The following ARHGAP15 variants were observed in gnomAD, a reference collection of about 807,000 sequenced individuals.
ARHGAP15 encodes Rho GTPase activating protein 15.
Under a neutral mutation model 63.7 loss-of-function variants are expected in ARHGAP15, and 51 were observed. That is an observed-to-expected ratio of 0.80 (90% CI 0.64 to 1.01). The LOEUF (loss-of-function observed/expected upper bound fraction) is 1.01, where lower values mean the gene tolerates loss of function less well. Ranked by LOEUF, ARHGAP15 falls within the 50% of genes least tolerant of loss-of-function variation. ARHGAP15 has a pLI of 0.00. For synonymous variants in ARHGAP15, 191 were observed against 193.8 expected, an observed-to-expected ratio of 0.99 and a Z score of 0.12; for missense variants, 560 against 564.6, an observed-to-expected ratio of 0.99 and a Z score of 0.08.
At chr2:143,708,368 T>A (rs1460624929) in intron 13 of ARHGAP15, among the ~76,000 whole-genome samples, 1 of 152,202 alleles carries the variant, frequency 6.6e-6, no homozygotes, top group Non-Finnish European at 1.5e-5. Flanking sequence ...ATAGCAAGAA[T>A]TACCAAGGCA....
At chr2:143,632,869 A>G (rs1001016570) in intron 12 of ARHGAP15, among the ~76,000 whole-genome samples, 1 of 152,130 alleles carries the variant, frequency 6.6e-6, no homozygotes, top group Admixed American at 6.6e-5. Context: ...TTTCTGATGC[A>G]TCATCAACTC....
At chr2:143,671,462 G>T (rs556091731) in intron 12 of ARHGAP15, among the ~76,000 whole-genome samples, 1 of 152,050 alleles carries the variant, frequency 6.6e-6, no homozygotes, top group African/African-American at 2.4e-5. Context: ...AAGGATTATT[G>T]ATTTGACTAA....
At chr2:143,712,395 C>CAGTCAA (rs1684621249) in intron 13 of ARHGAP15, among the ~76,000 whole-genome samples, 1 of 152,084 alleles carries the variant, frequency 6.6e-6, no homozygotes, top group South Asian at 2.1e-4. Context: ...TAGCAAAATC[C>CAGTCAA]AGTCAAGGAT....
intron 12 of ARHGAP15, among the ~76,000 whole-genome samples, chr2:143,691,879 G>C (rs561820322): frequency 6.6e-6 from 1 of 152,216 alleles, no homozygotes; most frequent in Admixed American, 6.5e-5. Context: ...TCGTTCAATA[G>C]GTTTTCTTTT....
chr2:143,609,881 A>G (rs1653979733), intron 11 of ARHGAP15, among the ~76,000 whole-genome samples: 1 of 152,172 alleles, frequency 6.6e-6, no homozygotes, highest in Admixed American at 6.5e-5. Flanking sequence ...TGAGCAATAA[A>G]TGCTCGTGCT....
intron 3 of ARHGAP15, among the ~76,000 whole-genome samples, chr2:143,213,904 G>T (rs1159091933): frequency 6.6e-6 from 1 of 152,178 alleles, no homozygotes; most frequent in Non-Finnish European, 1.5e-5. Context: ...GAGAAATCCA[G>T]CCCTTGGCAT....
At chr2:143,482,686 T>G (rs1692133993) in intron 8 of ARHGAP15, among the ~76,000 whole-genome samples, 1 of 152,232 alleles carries the variant, frequency 6.6e-6, no homozygotes, top group Non-Finnish European at 1.5e-5. Flanking sequence ...GCTGTTAAAA[T>G]CAGATTTGTA....
chr2:143,542,536 T>A (rs1238447302), intron 10 of ARHGAP15, among the ~76,000 whole-genome samples: 2 of 151,116 alleles, frequency 1.3e-5, no homozygotes, highest in African/African-American at 2.4e-5. Context: ...AAAGCAGGAT[T>A]TTTTAATGGC....
chr2:143,263,999 T>C (rs1680872519), intron 6 of ARHGAP15, among the ~76,000 whole-genome samples: 1 of 146,374 alleles, frequency 6.8e-6, no homozygotes, highest in Non-Finnish European at 1.5e-5. Context: ...AGGTTTTTTT[T>C]CATCATTCAT....
At chr2:143,477,101 G>A (rs1691851193) in intron 8 of ARHGAP15, among the ~76,000 whole-genome samples, 2 of 151,886 alleles carry the variant, frequency 1.3e-5, no homozygotes, top group Non-Finnish European at 2.9e-5. Context: ...ACTCTACCTG[G>A]CAGAAATTAA....
rs562405245 is a variant in ARHGAP15 at position 143,477,041 on chromosome 2, A to G, written c.704-10332A>G. Reference sequence around the variant, plus strand: ...ACAGTTCAGAAAGTCGTTAATGGATAGTTCTTCAAAACCCAATGATTTTAA... The same window carrying G: ...ACAGTTCAGAAAGTCGTTAATGGATGGTTCTTCAAAACCCAATGATTTTAA... On this transcript the variant is annotated intron_variant, in intron 8 of 13. Coordinates refer to ENST00000295095, the MANE Select transcript of ARHGAP15 (RefSeq NM_018460.4). Among the ~76,000 whole-genome samples the G allele has an allele frequency of 9.2e-5, 14 of 152,338 alleles. No individual in the cohort carries two copies. In the South Asian group the frequency reaches 2.7e-3, roughly 29 times the overall value.
At chr2:143,263,725 G>T (rs530664940) in intron 6 of ARHGAP15, among the ~76,000 whole-genome samples, 1 of 152,034 alleles carries the variant, frequency 6.6e-6, no homozygotes, top group Non-Finnish European at 1.5e-5. Context: ...CTTTCAGACT[G>T]TCTCCTTCCA....
At chr2:143,543,088 T>A (rs1052493706) in intron 10 of ARHGAP15, among the ~76,000 whole-genome samples, 28 of 151,762 alleles carry the variant, frequency 1.8e-4, no homozygotes, top group Non-Finnish European at 4.0e-4. Flanking sequence ...TCATATGGTA[T>A]TTCTATTTTT....
chr2:143,438,093 T>C (rs1558971425), intron 8 of ARHGAP15, among the ~76,000 whole-genome samples: 1 of 152,114 alleles, frequency 6.6e-6, no homozygotes, highest in African/African-American at 2.4e-5. Flanking sequence ...TTATAGTATT[T>C]TGGGGGAGTC....
chr2:143,723,709 G>A (rs930751120), intron 13 of ARHGAP15, among the ~76,000 whole-genome samples: 2 of 152,184 alleles, frequency 1.3e-5, no homozygotes, highest in Non-Finnish European at 2.9e-5. Context: ...TTGCCCTCAT[G>A]CAGGTTAAAA....
intron 11 of ARHGAP15, among the ~76,000 whole-genome samples, chr2:143,585,536 T>C (rs542603897): frequency 6.7e-4 from 102 of 152,260 alleles, no homozygotes; most frequent in African/African-American, 2.4e-3. Context: ...GGTTATTCCT[T>C]AGCAAAAATG....
intron 13 of ARHGAP15, among the ~76,000 whole-genome samples, chr2:143,762,228 A>G (rs575647523): frequency 4.6e-5 from 7 of 152,268 alleles, no homozygotes; most frequent in African/African-American, 9.6e-5. Context: ...CCAAATATTG[A>G]CATAAGGTCT....
At chr2:143,708,745 C>T (rs1001702202) in intron 13 of ARHGAP15, among the ~76,000 whole-genome samples, 2 of 152,078 alleles carry the variant, frequency 1.3e-5, no homozygotes, top group Non-Finnish European at 2.9e-5. Flanking sequence ...TATGAAGAGC[C>T]TCCTCTGTTA....
intron 6 of ARHGAP15, among the ~76,000 whole-genome samples, chr2:143,366,245 T>A (rs1205475028): frequency 5.3e-5 from 8 of 152,158 alleles, no homozygotes; most frequent in Admixed American, 5.2e-4. Context: ...CTACACATGC[T>A]GAATCACTTT....
Sources: allele counts gnomAD v4.1 joint callset (sites outside exome capture counted in the v4.1 genomes callset), GRCh38; gene constraint gnomAD v4.1.1; transcripts MANE v1.5; gene names NCBI Gene and HGNC (gene_info 2026-07-23, HGNC 2026-07-21).